The following KIF2B variants were observed in gnomAD, a reference collection of about 807,000 sequenced individuals.
KIF2B encodes the protein kinesin-like protein KIF2B.
Under a neutral mutation model 6.8 loss-of-function variants are expected in KIF2B, and 5 were observed. That is an observed-to-expected ratio of 0.74 (90% CI 0.39 to 1.55). The LOEUF is 1.55. KIF2B is among the 40% of genes most tolerant of loss of function. KIF2B has a pLI of 0.03. For missense variants in KIF2B, 908 were observed against 831.3 expected (o/e 1.09, Z -1.13); for synonymous variants, 370 against 330.7 (o/e 1.12, Z -1.29).
chr17:53,824,282 C>A lies in KIF2B; in HGVS notation c.1249C>A (p.Pro417Thr). ...TAGCTGTCGGACTTCCAGGCAAACA[C>A]CTGTCAACGCTCACTCATCCAGGAG... ...GNSCRTSRQT[P>T]VNAHSSRSHA... is the part of the protein sequence containing the mutation. Residue 417 changes from proline to threonine, a missense_variant, in exon 1 of 1, where the codon CCT becomes ACT. Transcript: ENST00000268919. The A allele has an allele frequency of 6.2e-7, 1 of 1,613,874 alleles. No individual in the cohort carries two copies. The highest frequency in any genetic ancestry group is 8.5e-7 in the Non-Finnish European group (1 of 1,179,966).
chr17:53,823,708 G>C lies in KIF2B; in HGVS notation c.675G>C (p.Gln225His), dbSNP rs769864241. ...GCGTGAGGAAGCGGCCTCTCAACCA[G>C]CGAGAGACAACCTTAAAGGACCTGG... ...CVCVRKRPLN[Q>H]RETTLKDLDI... is the part of the protein sequence containing the mutation. Residue 225 changes from glutamine (Q) to histidine (H), a missense_variant, in exon 1 of 1, where the codon CAG becomes CAC. By Grantham distance (24) the Gln-to-His change is conservative (BLOSUM62 0). Coordinates refer to ENST00000268919, the MANE Select transcript of KIF2B (RefSeq NM_032559.5). The C allele has an allele frequency of 1.2e-6, 2 of 1,614,198 alleles. No individual in the cohort carries two copies. Among genetic ancestry groups the C allele is most frequent in the East Asian group, 4.5e-5 (2 of 44,872 alleles).
Position 53,824,698 on chromosome 17 carries a change from T to A in KIF2B, c.1665T>A (p.Tyr555Ter), listed in dbSNP as rs2143786568. 1 of 1,614,178 alleles carries A rather than the reference T, an allele frequency of 6.2e-7. No individual in the cohort carries two copies. The highest frequency in any genetic ancestry group is 8.5e-7 in the Non-Finnish European group (1 of 1,180,012). ...TAAGGCCCTACCATCGTGGCCACTA[T>A]CCGATTGGACATGAGGCACCAAGGA... ...VDVRPYHRGH[Y>*]PIGHEAPRML... Residue 555 changes from tyrosine to a stop codon, truncating the protein, a stop_gained, in exon 1 of 1, where the codon TAT (tyrosine) becomes TAA (stop). Coordinates refer to ENST00000268919, the MANE Select transcript of KIF2B (RefSeq NM_032559.5). LOFTEE classifies it low-confidence loss of function (END_TRUNC).
rs2143784324 is a variant in KIF2B at position 53,824,259 on chromosome 17, G to A, written c.1226G>A (p.Ser409Asn). 6.2e-7 allele frequency: 1 copy of A among 1,614,130 alleles called. No homozygotes were observed. The highest frequency in any genetic ancestry group is 8.5e-7 in the Non-Finnish European group (1 of 1,180,020). ...CTGAACCTGGTGGAAATAGGGAATAGCTGTCGGACTTCCAGGCAAACACCT... is the reference window on the plus strand; with the variant it reads ...CTGAACCTGGTGGAAATAGGGAATAACTGTCGGACTTCCAGGCAAACACCT... The part of the protein sequence containing the change: ...EVLNLVEIGN[S>N]CRTSRQTPVN... Residue 409 changes from serine (S) to asparagine (N), a missense_variant, in exon 1 of 1, where the codon AGC (serine) becomes AAC (asparagine). Ser to Asn is a conservative substitution (Grantham distance 46). Transcript: ENST00000268919.
Position 53,823,839 on chromosome 17 carries a change from C to T in KIF2B, c.806C>T (p.Ala269Val), listed in dbSNP as rs747891960. ...LQNQTFCFDH[A>V]FDDKASNELV... is the part of the protein sequence containing the mutation. ...AACCAGACCTTCTGCTTCGACCATG[C>T]CTTCGATGACAAAGCCTCCAACGAG... The change falls in exon 1 of 1, where the codon GCC becomes GTC. Residue 269 changes from alanine to valine, a missense_variant. By Grantham distance (64) the Ala-to-Val change is moderately conservative (BLOSUM62 0). Coordinates refer to ENST00000268919, the MANE Select transcript of KIF2B (RefSeq NM_032559.5). 1 of 1,614,242 alleles carries T rather than the reference C, an allele frequency of 6.2e-7. No individual in the cohort carries two copies. The highest frequency in any genetic ancestry group is 8.5e-7 in the Non-Finnish European group (1 of 1,180,042).
rs1261217366 is a variant in KIF2B at position 53,824,653 on chromosome 17, A to T, written c.1620A>T (p.Val540=). The part of the protein sequence containing the change: ...TLNTLRYANR[V]KKLNVDVRPY... Reference sequence around the variant, plus strand: ...ACACTTTAAGATATGCAAACAGAGTAAAAAAATTAAATGTAGATGTAAGGC... The same window carrying T: ...ACACTTTAAGATATGCAAACAGAGTTAAAAAATTAAATGTAGATGTAAGGC... Residue 540 remains valine, a synonymous_variant, in exon 1 of 1, where the codon GTA becomes GTT. Coordinates refer to ENST00000268919, the MANE Select transcript of KIF2B (RefSeq NM_032559.5). 6.2e-7 allele frequency: 1 copy of T among 1,614,106 alleles called. No homozygotes were observed. The highest frequency in any genetic ancestry group is 8.5e-7 in the Non-Finnish European group (1 of 1,179,996).
chr17:53,824,905 G>A lies in KIF2B; in HGVS notation c.1872G>A (p.Gln624=). The stretch of plus-strand genomic sequence containing the variant: ...CTAGCCAATGGCTGGAAAACATCCA[G>A]GAGAGAGCTGGTGGAGTACACCATG... ...KGSSQWLENI[Q]ERAGGVHHDI... is the part of the protein sequence containing the mutation. The change falls in exon 1 of 1, where the codon CAG becomes CAA. Residue 624 remains glutamine (Q), a synonymous_variant. Coordinates refer to ENST00000268919, the MANE Select transcript of KIF2B (RefSeq NM_032559.5). 6.2e-7 allele frequency: 1 copy of A among 1,614,138 alleles called. No homozygotes were observed. Among genetic ancestry groups the A allele is most frequent in the Non-Finnish European group, 8.5e-7 (1 of 1,180,002 alleles).
rs1486183765 is a variant in KIF2B, at chr17:53,824,662, A to T, written c.1629A>T (p.Leu543Phe). The T allele has an allele frequency of 3.1e-6, 5 of 1,614,074 alleles. No homozygotes were observed. Among genetic ancestry groups the T allele is most frequent in the African/African-American group, 2.7e-5 (2 of 74,930 alleles). Residue 543 changes from leucine to phenylalanine, a missense_variant, in exon 1 of 1, where the codon TTA becomes TTT. Physicochemically the swap from Leu to Phe is conservative, Grantham distance 22. Transcript: ENST00000268919. ...TLRYANRVKKLNVDVRPYHRG... is the reference protein window; with the variant it reads ...TLRYANRVKKFNVDVRPYHRG... ...GATATGCAAACAGAGTAAAAAAATT[A>T]AATGTAGATGTAAGGCCCTACCATC...
rs1419872709 is a variant in KIF2B, at chr17:53,824,892, T to C, written c.1859T>C (p.Leu620Pro). 1.2e-6 allele frequency: 2 copies of C among 1,614,128 alleles called. No homozygotes were observed. Among genetic ancestry groups the C allele is most frequent in the East Asian group, 2.2e-5 (1 of 44,858 alleles). ...TCAGGGAAGGGATCTAGCCAATGGC[T>C]GGAAAACATCCAGGAGAGAGCTGGT... ...TISGKGSSQW[L>P]ENIQERAGGV... The change falls in exon 1 of 1, where the codon CTG becomes CCG. Residue 620 changes from leucine to proline, a missense_variant. By Grantham distance (98) the Leu-to-Pro change is moderately conservative. Coordinates refer to ENST00000268919, the MANE Select transcript of KIF2B (RefSeq NM_032559.5).
Position 53,823,203 on chromosome 17 carries a change from C to G in KIF2B, c.170C>G (p.Thr57Arg), listed in dbSNP as rs1906448678. 1 of 1,614,154 alleles carries G rather than the reference C, an allele frequency of 6.2e-7. No homozygotes were observed. Among genetic ancestry groups the G allele is most frequent in the South Asian group, 1.1e-5 (1 of 91,082 alleles). Residue 57 changes from threonine (T) to arginine (R), a missense_variant, in exon 1 of 1, where the codon ACG becomes AGG. Coordinates refer to ENST00000268919, the MANE Select transcript of KIF2B (RefSeq NM_032559.5). ...ATCAACAGAGAAAACTATTGGGTCA[C>G]GGTAGAGTGGGTGGAGAAAGCAGTC... ...TEINRENYWV[T>R]VEWVEKAVKK...
rs2143777119 is a variant in KIF2B, at chr17:53,823,004, G to A, written c.-30G>A. 6.3e-7 allele frequency: 1 copy of A among 1,591,974 alleles called. No individual in the cohort carries two copies. Among genetic ancestry groups the A allele is most frequent in the Non-Finnish European group, 8.6e-7 (1 of 1,166,044 alleles). ...TGCTGCTCCAACCCCAAGGGCCCTG[G>A]AGCGCTCCCTGATACCTCCATCACT... On this transcript the variant is annotated 5_prime_UTR_variant, in exon 1 of 1. Coordinates refer to ENST00000268919, the MANE Select transcript of KIF2B (RefSeq NM_032559.5).
chr17:53,824,974 G>A lies in KIF2B; in HGVS notation c.1941G>A (p.Gln647=). The A allele has an allele frequency of 6.2e-7, 1 of 1,614,068 alleles. No homozygotes were observed. Among genetic ancestry groups the A allele is most frequent in the South Asian group, 1.1e-5 (1 of 91,074 alleles). ...CIARSLSILE[Q]KIDALTEIQK... ...CCCGGTCTTTGTCCATTTTGGAGCA[G>A]AAAATTGATGCTCTGACCGAGATCC... The change falls in exon 1 of 1, where the codon CAG becomes CAA. Residue 647 remains glutamine (Q), a synonymous_variant. Transcript: ENST00000268919.
Position 53,824,441 on chromosome 17 carries a change from G to C in KIF2B, c.1408G>C (p.Glu470Gln), listed in dbSNP as rs1365989107. 1 of 1,614,128 alleles carries C rather than the reference G, an allele frequency of 6.2e-7. No individual in the cohort carries two copies. The highest frequency in any genetic ancestry group is 1.7e-5 in the Admixed American group (1 of 60,024). ...ASRKRQLEGA[E>Q]INKSLLALKE... The stretch of plus-strand genomic sequence containing the variant: ...CCGGAAAAGGCAGCTGGAAGGGGCA[G>C]AGATTAACAAGAGTCTTCTAGCCCT... Residue 470 changes from glutamate to glutamine, a missense_variant, in exon 1 of 1, where the codon GAG becomes CAG. Coordinates refer to ENST00000268919, the MANE Select transcript of KIF2B (RefSeq NM_032559.5).
rs1369437829 is a variant in KIF2B, at chr17:53,824,963, A to G, written c.1930A>G (p.Ile644Val). The G allele has an allele frequency of 1.9e-6, 3 of 1,614,022 alleles. No homozygotes were observed. The African/African-American group carries it at 4.0e-5, about 22-fold the overall frequency. Reference sequence around the variant, plus strand: ...TTTTTGCATTGCCCGGTCTTTGTCCATTTTGGAGCAGAAAATTGATGCTCT... The same window carrying G: ...TTTTTGCATTGCCCGGTCTTTGTCCGTTTTGGAGCAGAAAATTGATGCTCT... ...IDFCIARSLS[I>V]LEQKIDALTE... Residue 644 changes from isoleucine (I) to valine (V), a missense_variant, in exon 1 of 1, where the codon ATT becomes GTT. Coordinates refer to ENST00000268919, the MANE Select transcript of KIF2B (RefSeq NM_032559.5).
Position 53,824,449 on chromosome 17 carries a change from C to A in KIF2B, c.1416C>A (p.Asn472Lys), listed in dbSNP as rs1426681296. The A allele has an allele frequency of 6.2e-7, 1 of 1,614,078 alleles. No individual in the cohort carries two copies. Residue 472 changes from asparagine (N) to lysine (K), a missense_variant, in exon 1 of 1, where the codon AAC becomes AAA. Physicochemically the swap from Asn to Lys is moderately conservative, Grantham distance 94 (BLOSUM62 0). Transcript: ENST00000268919. ...RKRQLEGAEI[N>K]KSLLALKECI... is the part of the protein sequence containing the mutation. ...GGCAGCTGGAAGGGGCAGAGATTAA[C>A]AAGAGTCTTCTAGCCCTCAAAGAAT... is the stretch of plus-strand genomic sequence containing the variant.
In KIF2B at chr17:53,824,485, T is replaced by A. The variant is rs768727956; in HGVS notation, c.1452T>A (p.Ala484=). 6.2e-7 allele frequency: 1 copy of A among 1,614,134 alleles called. No homozygotes were observed. Among genetic ancestry groups the A allele is most frequent in the Non-Finnish European group, 8.5e-7 (1 of 1,180,026 alleles). The change falls in exon 1 of 1, where the codon GCT becomes GCA. Residue 484 remains alanine, a synonymous_variant. Transcript: ENST00000268919. ...TAGCCCTCAAAGAATGTATTCTGGC[T>A]TTGGGTCAGAACAAGCCTCACACCC... ...SLLALKECIL[A]LGQNKPHTPF...
In KIF2B at chr17:53,824,827, T is replaced by C. The variant is rs766080913; in HGVS notation, c.1794T>C (p.Val598=). The change falls in exon 1 of 1, where the codon GTT becomes GTC. Residue 598 remains valine, a synonymous_variant. Coordinates refer to ENST00000268919, the MANE Select transcript of KIF2B (RefSeq NM_032559.5). Reference sequence around the variant, plus strand: ...AGGAGCAGAAAGAGATTGAAGAGGTTGAAACATTACCCACTCTGTTAGGGA... The same window carrying C: ...AGGAGCAGAAAGAGATTGAAGAGGTCGAAACATTACCCACTCTGTTAGGGA... ...QSEEQKEIEE[V]ETLPTLLGKD... The C allele has an allele frequency of 4.3e-6, 7 of 1,613,814 alleles. No homozygotes were observed. The African/African-American group carries it at 8.0e-5, about 18-fold the overall frequency.
rs2143782286 is a variant in KIF2B, at chr17:53,823,875, A to T, written c.842A>T (p.Gln281Leu). The change falls in exon 1 of 1, where the codon CAG becomes CTG. Residue 281 changes from glutamine (Q) to leucine (L), a missense_variant. Transcript: ENST00000268919. ...AAAGCCTCCAACGAGTTGGTGTACC[A>T]GTTCACCGCCCAGCCACTGGTGGAG... ...DDKASNELVY[Q>L]FTAQPLVESI... is the part of the protein sequence containing the mutation. The T allele has an allele frequency of 6.2e-7, 1 of 1,614,228 alleles. No individual in the cohort carries two copies. The highest frequency in any genetic ancestry group is 8.5e-7 in the Non-Finnish European group (1 of 1,180,050).
Position 53,824,753 on chromosome 17 carries a change from A to C in KIF2B, c.1720A>C (p.Met574Leu). 6.2e-7 allele frequency: 1 copy of C among 1,614,220 alleles called. No homozygotes were observed. The highest frequency in any genetic ancestry group is 8.5e-7 in the Non-Finnish European group (1 of 1,180,032). Residue 574 changes from methionine to leucine, a missense_variant, in exon 1 of 1, where the codon ATG (methionine) becomes CTG (leucine). Met to Leu is a conservative substitution (Grantham distance 15). Coordinates refer to ENST00000268919, the MANE Select transcript of KIF2B (RefSeq NM_032559.5). ...AAAAAGTCACATCGGAAATTCAGAA[A>C]TGTCCCTTCAGAGGGATGAATTTAT... ...MLKSHIGNSE[M>L]SLQRDEFIKI...
Position 53,824,621 on chromosome 17 carries a change from A to G in KIF2B, c.1588A>G (p.Thr530Ala). 1 of 1,614,090 alleles carries G rather than the reference A, an allele frequency of 6.2e-7. No homozygotes were observed. Among genetic ancestry groups the G allele is most frequent in the Non-Finnish European group, 8.5e-7 (1 of 1,180,016 alleles). Residue 530 changes from threonine to alanine, a missense_variant, in exon 1 of 1, where the codon ACT (threonine) becomes GCT (alanine). Physicochemically the swap from Thr to Ala is moderately conservative, Grantham distance 58. Transcript: ENST00000268919. ...ISPGMTSCEN[T>A]LNTLRYANRV... Reference sequence around the variant, plus strand: ...TCCGGGGATGACCTCTTGTGAAAACACTCTCAACACTTTAAGATATGCAAA... The same window carrying G: ...TCCGGGGATGACCTCTTGTGAAAACGCTCTCAACACTTTAAGATATGCAAA...
Sources: allele counts gnomAD v4.1 joint callset, GRCh38; gene constraint gnomAD v4.1.1; transcripts MANE v1.5; gene names NCBI Gene and HGNC (gene_info 2026-07-23, HGNC 2026-07-21).